MED13L: variants seen among roughly 807,000 people sequenced by gnomAD.
MED13L encodes mediator complex subunit 13L, also known as mediator of RNA polymerase II transcription subunit 13-like.
A neutral mutation model predicts 220.9 loss-of-function variants in MED13L; 7 were observed. That is an observed-to-expected ratio of 0.03 (90% CI 0.02 to 0.06). MED13L has a LOEUF of 0.06. Ranked by LOEUF, MED13L falls within the 10% of genes least tolerant of loss-of-function variation. The probability of loss-of-function intolerance (pLI) is 1.00; values close to 1 mark genes in which losing one functional copy is unlikely to be tolerated. For synonymous variants in MED13L, 1,011 were observed against 1,015.2 expected, an observed-to-expected ratio of 1.00 and a Z score of 0.08; for missense variants, 1,965 against 2,760.5, an observed-to-expected ratio of 0.71 and a Z score of 6.46.
intron 4 of MED13L, among the ~76,000 whole-genome samples, chr12:116,051,275 C>A (rs1868488570): frequency 6.6e-6 from 1 of 151,588 alleles, no homozygotes; most frequent in Non-Finnish European, 1.5e-5. Context: ...TGCACTCCAG[C>A]CTGGATGACA....
intron 3 of MED13L, among the ~76,000 whole-genome samples, chr12:116,104,024 T>G (rs1873331549): frequency 6.8e-6 from 1 of 146,260 alleles, no homozygotes; most frequent in South Asian, 2.2e-4. Flanking sequence ...TTTTTTTTTT[T>G]TTTGAGACGG....
intron 19 of MED13L, 132 bp from the exon 20 acceptor site, chr12:115,984,504 A>G: frequency 1.0e-6 from 1 of 953,030 alleles, no homozygotes; most frequent in Non-Finnish European, 1.6e-6. Flanking sequence ...ATCACATGCA[A>G]TCAAACCAAC....
chr12:116,066,556 G>A (rs2137661518), intron 4 of MED13L, among the ~76,000 whole-genome samples: 1 of 152,114 alleles, frequency 6.6e-6, no homozygotes, highest in Non-Finnish European at 1.5e-5. Context: ...TACTTTCAAT[G>A]TCAAAAACCG....
chr12:116,131,051 T>C (rs1876026607), intron 2 of MED13L, among the ~76,000 whole-genome samples: 1 of 152,172 alleles, frequency 6.6e-6, no homozygotes, highest in Non-Finnish European at 1.5e-5. Context: ...GTATACATTG[T>C]GGGCTTGGTT....
chr12:116,226,787 C>T (rs945365883), intron 2 of MED13L, among the ~76,000 whole-genome samples: 2 of 150,108 alleles, frequency 1.3e-5, no homozygotes, highest in African/African-American at 2.5e-5. Context: ...GGGAACTGCT[C>T]GAACTCCGGA....
chr12:116,189,787 T>C (rs1442647298), intron 2 of MED13L, among the ~76,000 whole-genome samples: 1 of 152,208 alleles, frequency 6.6e-6, no homozygotes. Flanking sequence ...AAAGGGTTTT[T>C]TTGAGCAATT....
At chr12:116,167,669 G>A (rs78279158) in intron 2 of MED13L, among the ~76,000 whole-genome samples, 7,883 of 152,218 alleles carry the variant, frequency 0.052, 283 homozygotes, top group Non-Finnish European at 0.083. Context: ...TTCTCCAATG[G>A]TAGCCATTTA....
At chr12:116,264,423 T>C (rs1872697723) in intron 1 of MED13L, among the ~76,000 whole-genome samples, 1 of 152,214 alleles carries the variant, frequency 6.6e-6, no homozygotes, top group South Asian at 2.1e-4. Context: ...AATAAAATGA[T>C]TGCTGCAATC....
At chr12:116,236,757 A>G in intron 2 of MED13L, 1 of 807,252 alleles carries the variant, frequency 1.2e-6, no homozygotes, top group Non-Finnish European at 1.5e-6. Context: ...GACAACTGAT[A>G]AAAGTTCCTG....
At chr12:116,259,379 G>GTTT (rs1462963194) in intron 1 of MED13L, among the ~76,000 whole-genome samples, 2 of 151,832 alleles carry the variant, frequency 1.3e-5, no homozygotes, top group African/African-American at 2.4e-5. Flanking sequence ...TAGAATTGTG[G>GTTT]GAACATAACA....
chr12:115,970,825 T>C, intron 26 of MED13L, 55 bp from the exon 27 acceptor site: 2 of 1,535,888 alleles, frequency 1.3e-6, no homozygotes, highest in African/African-American at 2.7e-5. Context: ...AGAAATGAGG[T>C]TTTCAGAGGG....
chr12:116,096,884 C>T (rs1872678453), intron 3 of MED13L, 132 bp from the exon 4 acceptor site: 5 of 714,198 alleles, frequency 7.0e-6, no homozygotes, highest in South Asian at 4.9e-5. Context: ...AATGTTTTAT[C>T]ACTTAAAATT....
intron 16 of MED13L, 81 bp downstream of exon 16, chr12:115,996,395 G>T: frequency 6.6e-7 from 1 of 1,515,998 alleles, no homozygotes; most frequent in Non-Finnish European, 9.2e-7. Context: ...CCCGGACCTT[G>T]TCATCATTTT....
intron 4 of MED13L, among the ~76,000 whole-genome samples, chr12:116,066,091 ACT>A (rs369681097): frequency 6.0e-4 from 91 of 151,870 alleles, no homozygotes; most frequent in Middle Eastern, 3.4e-3. Flanking sequence ...TCTGTCTTTG[ACT>A]CTCTCTCTCT....
chr12:116,171,848 G>A (rs1879703886), intron 2 of MED13L, among the ~76,000 whole-genome samples: 1 of 152,032 alleles, frequency 6.6e-6, no homozygotes, highest in East Asian at 1.9e-4. Context: ...AAACCTCAAT[G>A]CAGGACTTCA....
chr12:116,001,331 G>C (rs1221169925), intron 14 of MED13L, among the ~76,000 whole-genome samples: 2 of 152,098 alleles, frequency 1.3e-5, no homozygotes, highest in African/African-American at 2.4e-5. Context: ...CGAGTAGCTG[G>C]GATTAGAGGT....
rs546408852 is a variant in MED13L, at chr12:116,213,017, C to T, written c.310+24451G>A. 6.6e-5 allele frequency among the ~76,000 whole-genome samples: 10 copies of T among 152,318 alleles called. No homozygotes were observed. The South Asian group carries it at 2.1e-3, about 32-fold the overall frequency. ...GAAAAAAAACTACTACTGTCAATTA[C>T]AGTCTCAATACTAGCATCTAAAAAG... On this transcript the variant is annotated intron_variant, in intron 2 of 30. Coordinates refer to ENST00000281928, the MANE Select transcript of MED13L (RefSeq NM_015335.5).
At chr12:116,205,004 TAGAACA>T (rs1882223940) in intron 2 of MED13L, among the ~76,000 whole-genome samples, 1 of 152,190 alleles carries the variant, frequency 6.6e-6, no homozygotes, top group Admixed American at 6.5e-5. Flanking sequence ...GGTGGCTACC[TAGAACA>T]CCATAAACCC....
chr12:116,087,814 T>C (rs1871838421), intron 4 of MED13L, among the ~76,000 whole-genome samples: 1 of 152,208 alleles, frequency 6.6e-6, no homozygotes, highest in Non-Finnish European at 1.5e-5. Context: ...GAAAAGGTTT[T>C]ATATAAATGT....
Sources: gnomAD v4.1 joint callset for allele counts (sites outside exome capture counted in the v4.1 genomes callset) on GRCh38, gnomAD v4.1.1 for gene constraint, MANE v1.5 for transcripts, NCBI Gene and HGNC (gene_info 2026-07-23, HGNC 2026-07-21) for gene names.